Variants in CYFIP2 observed in about 807,000 individuals in gnomAD.
CYFIP2 encodes the protein cytoplasmic FMR1 interacting protein 2.
A neutral mutation model predicts 158.7 loss-of-function variants in CYFIP2; 29 were observed. The ratio of observed to expected loss-of-function variants is 0.18; its 90% CI spans 0.14 to 0.25. CYFIP2 has a LOEUF of 0.25. Ranked by LOEUF, CYFIP2 falls within the 10% of genes least tolerant of loss-of-function variation. The pLI is 1.00. For missense variants in CYFIP2, 852 were observed against 1,639.5 expected (o/e 0.52, Z 8.29); for synonymous variants, 585 against 617.6 (o/e 0.95, Z 0.78).
chr5:157,376,989 C>G (rs1765543539), intron 26 of CYFIP2: 2 of 427,722 alleles, frequency 4.7e-6, no homozygotes, highest in Non-Finnish European at 9.5e-6. Context: ...GTACCAACGT[C>G]ATACAGGTGC....
chr5:157,313,590 A>G (rs573220065), intron 11 of CYFIP2, among the ~76,000 whole-genome samples: 1 of 152,362 alleles, frequency 6.6e-6, no homozygotes, highest in Non-Finnish European at 1.5e-5. Context: ...GAGTGGGTGT[A>G]TGTCTGCAGA....
intron 19 of CYFIP2, 55 bp from the exon 20 acceptor site, chr5:157,330,687 T>C (rs1761387290): frequency 2.2e-6 from 3 of 1,367,356 alleles, no homozygotes; most frequent in African/African-American, 2.9e-5. Context: ...ATCTGGGCAG[T>C]TGAGAGTCAT....
intron 26 of CYFIP2, among the ~76,000 whole-genome samples, chr5:157,362,099 G>A (rs1377519404): frequency 1.3e-5 from 2 of 152,204 alleles, no homozygotes; most frequent in Non-Finnish European, 2.9e-5. Flanking sequence ...TGAAGTGGGT[G>A]GGGGCTTATA....
intron 26 of CYFIP2, among the ~76,000 whole-genome samples, chr5:157,374,484 A>C (rs1035344926): frequency 2.0e-5 from 3 of 152,136 alleles, no homozygotes; most frequent in Admixed American, 6.5e-5. Flanking sequence ...CCATACCCCC[A>C]AAATAAGCAC....
In CYFIP2 at chr5:157,361,642, G is replaced by A. The variant is rs1014575978; in HGVS notation, c.3039+44G>A. ...GGAAGTGGGGTGTCTCCAGGTTGGA[G>A]GGGATGCCAACCCCAAGCAGATATT... is the stretch of plus-strand genomic sequence containing the variant. On this transcript the variant is annotated intron_variant, in intron 26 of 30. Coordinates refer to ENST00000620254, the MANE Select transcript of CYFIP2 (RefSeq NM_001037333.3). This position sits in a 1 kb window ranked among gnomAD's most constrained non-coding sequence, Gnocchi z 4.4. 14 of 1,611,716 alleles carry A rather than the reference G, an allele frequency of 8.7e-6. No homozygotes were observed. Among genetic ancestry groups the A allele is most frequent in the Non-Finnish European group, 1.2e-5 (14 of 1,178,670 alleles).
chr5:157,296,081 A>G (rs947673290), intron 4 of CYFIP2, among the ~76,000 whole-genome samples: 1 of 152,222 alleles, frequency 6.6e-6, no homozygotes, highest in African/African-American at 2.4e-5. Flanking sequence ...AAATGTGAAC[A>G]TGTCAGTAAC....
At chr5:157,273,200 G>A (rs1335928113) in intron 1 of CYFIP2, among the ~76,000 whole-genome samples, 1 of 152,100 alleles carries the variant, frequency 6.6e-6, no homozygotes, top group Non-Finnish European at 1.5e-5. Flanking sequence ...TGTCATATGA[G>A]TTATTCTATT....
At chr5:157,360,610 G>T (rs1316399405) in intron 25 of CYFIP2, among the ~76,000 whole-genome samples, 1 of 152,102 alleles carries the variant, frequency 6.6e-6, no homozygotes, top group Non-Finnish European at 1.5e-5. Context: ...GAAGTTGGAA[G>T]AGGACAGCAA....
chr5:157,367,312 AT>A (rs1056294072), intron 26 of CYFIP2, among the ~76,000 whole-genome samples: 4 of 152,196 alleles, frequency 2.6e-5, no homozygotes, highest in African/African-American at 9.7e-5. Flanking sequence ...AGTACCCTTC[AT>A]TGTGGCAACC....
intron 13 of CYFIP2, among the ~76,000 whole-genome samples, chr5:157,315,601 G>A (rs114013847): frequency 0.014 from 2,063 of 152,290 alleles, 51 homozygotes; most frequent in African/African-American, 0.045. Flanking sequence ...TTTTTAATGT[G>A]CATACCCTTT....
rs1222110759 is a variant in CYFIP2 at position 157,309,735 on chromosome 5, C to A, written c.901-8C>A. On this transcript the variant is annotated splice_region_variant and splice_polypyrimidine_tract_variant and intron_variant, in intron 9 of 30. Transcript: ENST00000620254. ...GCATCTCACGAGCTGTGTTTGCTTC[C>A]TTTGCAGCAGCTGCAGGTGGTGCCC... The A allele has an allele frequency of 6.3e-7, 1 of 1,596,338 alleles. No homozygotes were observed. Among genetic ancestry groups the A allele is most frequent in the African/African-American group, 1.3e-5 (1 of 74,636 alleles).
At chr5:157,323,386 C>G (rs1340060940) in intron 15 of CYFIP2, among the ~76,000 whole-genome samples, 1 of 152,144 alleles carries the variant, frequency 6.6e-6, no homozygotes, top group East Asian at 1.9e-4. Context: ...TGATCTTATC[C>G]CATTTCTCAG....
intron 21 of CYFIP2, among the ~76,000 whole-genome samples, chr5:157,336,470 A>G (rs1169313831): frequency 6.6e-6 from 1 of 152,206 alleles, no homozygotes; most frequent in Non-Finnish European, 1.5e-5. Context: ...TTCCTGTGAG[A>G]TGGGCTACAC....
chr5:157,314,839 C>T (rs1158665021), intron 12 of CYFIP2, 130 bp from the exon 13 acceptor site: 1 of 753,856 alleles, frequency 1.3e-6, no homozygotes, highest in East Asian at 2.8e-5. Context: ...CAAGGTTTTT[C>T]ATGTTGTAGC....
chr5:157,349,554 A>G (rs1762934292), intron 23 of CYFIP2, among the ~76,000 whole-genome samples: 1 of 152,156 alleles, frequency 6.6e-6, no homozygotes. Flanking sequence ...TATTTTTGCA[A>G]TTGCGAATTG....
In CYFIP2 at chr5:157,308,794, C is replaced by T. The variant is rs554502925; in HGVS notation, c.900+929C>T. Among the ~76,000 whole-genome samples, 5 of 152,112 alleles carry T rather than the reference C, an allele frequency of 3.3e-5. No homozygotes were observed. The South Asian group carries it at 8.3e-4, about 25-fold the overall frequency. ...GAAAATAGGGCTCATTTTGGGAGAC[C>T]CTTGCAAAATCTTCCCTAAGTCAGC... On this transcript the variant is annotated intron_variant, in intron 9 of 30. Coordinates refer to ENST00000620254, the MANE Select transcript of CYFIP2 (RefSeq NM_001037333.3).
intron 28 of CYFIP2, among the ~76,000 whole-genome samples, chr5:157,386,142 A>G (rs572084725): frequency 6.6e-6 from 1 of 152,350 alleles, no homozygotes; most frequent in South Asian, 2.1e-4. Context: ...AATCAGTGAA[A>G]TGCACATTCA....
At chr5:157,295,590 C>G (rs530071660) in intron 4 of CYFIP2, among the ~76,000 whole-genome samples, 41 of 152,356 alleles carry the variant, frequency 2.7e-4, no homozygotes, top group African/African-American at 8.2e-4. Context: ...TTTTGTTTCA[C>G]TTAATAAAAA....
intron 9 of CYFIP2, 111 bp from the exon 10 acceptor site, chr5:157,309,632 G>T: frequency 4.3e-6 from 4 of 924,356 alleles, no homozygotes; most frequent in Non-Finnish European, 6.7e-6. Flanking sequence ...GAAACTAGGG[G>T]TCGGCCCCCA....
Sources: allele counts gnomAD v4.1 joint callset (sites outside exome capture counted in the v4.1 genomes callset), GRCh38; gene constraint gnomAD v4.1.1; non-coding constraint Gnocchi (gnomAD v3.1); transcripts MANE v1.5; gene names NCBI Gene and HGNC (gene_info 2026-07-23, HGNC 2026-07-21).